TENM1: variants seen among roughly 807,000 people sequenced by gnomAD.
TENM1 encodes the protein teneurin transmembrane protein 1.
A neutral mutation model predicts 174.8 loss-of-function variants in TENM1; 35 were observed. The ratio of observed to expected loss-of-function variants is 0.20; its 90% CI spans 0.15 to 0.27. The LOEUF (loss-of-function observed/expected upper bound fraction) is 0.27. Ranked by LOEUF, TENM1 falls within the 10% of genes least tolerant of loss-of-function variation. The probability of loss-of-function intolerance (pLI) is 1.00; values close to 1 mark genes in which losing one functional copy is unlikely to be tolerated. For missense variants in TENM1, 1,633 were observed against 2,130.1 expected, an observed-to-expected ratio of 0.77 and a Z score of 4.59; for synonymous variants, 781 against 798.7, an observed-to-expected ratio of 0.98 and a Z score of 0.37.
chrX:124,989,328 C>T, the TENM1 span, among the ~76,000 whole-genome samples: 2 of 111,197 alleles, frequency 1.8e-5, no homozygotes, highest in Non-Finnish European at 3.8e-5. Context: ...AAAGAATTAA[C>T]AAAACTGCAA....
chrX:124,567,678 C>T (rs889974570), intron 11 of TENM1, among the ~76,000 whole-genome samples: 1 of 111,454 alleles, frequency 9.0e-6, no homozygotes, highest in Non-Finnish European at 1.9e-5. Flanking sequence ...AAAACGTGGG[C>T]CTTGGCTTAA....
intron 11 of TENM1, among the ~76,000 whole-genome samples, chrX:124,574,236 C>T (rs139018623): frequency 1.1e-3 from 118 of 111,483 alleles, no homozygotes; most frequent in African/African-American, 3.5e-3. Flanking sequence ...TGACAAAGAA[C>T]AATTTGATTA....
At chrX:125,021,463 T>C in the TENM1 span, among the ~76,000 whole-genome samples, 2 of 111,687 alleles carry the variant, frequency 1.8e-5, no homozygotes, top group African/African-American at 6.5e-5. Flanking sequence ...TCAGAAATAA[T>C]AGCAACATAT....
intron 3 of TENM1, among the ~76,000 whole-genome samples, chrX:124,858,668 T>A (rs2056856316): frequency 8.9e-6 from 1 of 112,011 alleles, no homozygotes; most frequent in Non-Finnish European, 1.9e-5. Context: ...ATCTTCCCAC[T>A]GTCTCTCTCC....
At chrX:124,986,884 C>T in the TENM1 span, among the ~76,000 whole-genome samples, 13 of 111,568 alleles carry the variant, frequency 1.2e-4, no homozygotes, top group African/African-American at 3.3e-4. Context: ...TAAGGTGATC[C>T]GCCTGCCTCG....
At chrX:124,538,908 T>C (rs1482782665) in intron 15 of TENM1, among the ~76,000 whole-genome samples, 2 of 111,891 alleles carry the variant, frequency 1.8e-5, no homozygotes, top group East Asian at 2.8e-4. Flanking sequence ...TGATTTATTC[T>C]AGGATTAACA....
At position 124,773,437 on chromosome X, in the gene TENM1, AC is replaced by A. The variant is rs376779187; in HGVS notation, c.536-36241del. Among the ~76,000 whole-genome samples, 369 of 110,248 alleles carry A rather than the reference AC, an allele frequency of 3.3e-3. 2 individuals carry two copies. The highest frequency in any genetic ancestry group is 0.011 in the African/African-American group (346 of 30,268). ...GTTTTAGCCTACAAAAAAAAAAAAA[AC>A]ATGTAAAAATACTGGATAAACATTG... On this transcript the variant is annotated intron_variant, in intron 3 of 31. Transcript: ENST00000422452.
intron 11 of TENM1, among the ~76,000 whole-genome samples, chrX:124,602,411 G>A (rs2050049883): frequency 9.0e-6 from 1 of 110,582 alleles, no homozygotes; most frequent in Admixed American, 9.7e-5. Context: ...CAATTATAAT[G>A]CCTGTATTAT....
intron 8 of TENM1, among the ~76,000 whole-genome samples, chrX:124,648,644 A>T (rs1192504643): frequency 8.9e-6 from 1 of 112,283 alleles, no homozygotes; most frequent in Non-Finnish European, 1.9e-5. Context: ...ACAATTATTT[A>T]TCTGTTTTCT....
intron 3 of TENM1, among the ~76,000 whole-genome samples, chrX:124,759,963 G>A (rs2054366902): frequency 9.0e-6 from 1 of 111,461 alleles, no homozygotes; most frequent in African/African-American, 3.3e-5. Context: ...CTGCTTTCAA[G>A]CCTATAATAG....
chrX:124,661,004 G>C (rs939722208), intron 6 of TENM1, among the ~76,000 whole-genome samples: 5 of 111,725 alleles, frequency 4.5e-5, no homozygotes, highest in Non-Finnish European at 9.4e-5. Flanking sequence ...CTAATGAATG[G>C]ATAAACAAAA....
the TENM1 span, among the ~76,000 whole-genome samples, chrX:125,103,724 G>C: frequency 1.8e-5 from 2 of 112,495 alleles, no homozygotes; most frequent in African/African-American, 6.5e-5. Flanking sequence ...CATGGCTCAC[G>C]CCGGTAATCC....
the TENM1 span, among the ~76,000 whole-genome samples, chrX:125,114,756 C>T: frequency 9.0e-6 from 1 of 111,078 alleles, no homozygotes; most frequent in African/African-American, 3.3e-5. Context: ...TAATAGCCTA[C>T]CAACCAAAAA....
At chrX:124,671,314 AC>A (rs1254606360) in intron 6 of TENM1, among the ~76,000 whole-genome samples, 1 of 111,527 alleles carries the variant, frequency 9.0e-6, no homozygotes, top group African/African-American at 3.3e-5. Context: ...ATTTCCATAT[AC>A]CCTTTGTAAA....
intron 4 of TENM1, among the ~76,000 whole-genome samples, chrX:124,714,153 C>T (rs1451155631): frequency 1.8e-5 from 2 of 111,448 alleles, no homozygotes; most frequent in East Asian, 5.6e-4. Context: ...ATGATATTAT[C>T]TGCATTTCAT....
the TENM1 span, among the ~76,000 whole-genome samples, chrX:125,075,772 C>A: frequency 9.0e-6 from 1 of 111,146 alleles, no homozygotes; most frequent in Non-Finnish European, 1.9e-5. Flanking sequence ...GCATTTTAAC[C>A]CAATTTGTTT....
intron 3 of TENM1, among the ~76,000 whole-genome samples, chrX:124,746,110 A>C (rs1185118772): frequency 8.9e-6 from 1 of 112,332 alleles, no homozygotes; most frequent in Non-Finnish European, 1.9e-5. Context: ...ATTTTATTCA[A>C]GTTTATTATT....
At chrX:124,700,936 G>A (rs1470886875) in intron 5 of TENM1, among the ~76,000 whole-genome samples, 1 of 111,554 alleles carries the variant, frequency 9.0e-6, no homozygotes, top group Non-Finnish European at 1.9e-5. Context: ...TTGAATCTAT[G>A]TTATTGAATT....
intron 14 of TENM1, among the ~76,000 whole-genome samples, chrX:124,557,260 A>G (rs1256658468): frequency 9.0e-6 from 1 of 111,695 alleles, no homozygotes; most frequent in Non-Finnish European, 1.9e-5. Context: ...AAATACTCAC[A>G]TGTGGCCAGT....
Sources: gnomAD v4.1 joint callset for allele counts (sites outside exome capture counted in the v4.1 genomes callset) on GRCh38, gnomAD v4.1.1 for gene constraint, MANE v1.5 for transcripts, NCBI Gene and HGNC (gene_info 2026-07-23, HGNC 2026-07-21) for gene names.